MCF2L2: variants seen among roughly 807,000 people sequenced by gnomAD.
The protein encoded by MCF2L2 is probable guanine nucleotide exchange factor MCF2L2.
In MCF2L2, 102 loss-of-function variants were observed where a neutral mutation model predicts 150.2. The ratio of observed to expected loss-of-function variants is 0.68; its 90% CI spans 0.58 to 0.80. The LOEUF (loss-of-function observed/expected upper bound fraction) is 0.80. MCF2L2 is among the 30% of genes least tolerant of loss of function. MCF2L2 has a pLI of 0.00. For missense variants in MCF2L2, 1,256 were observed against 1,372.8 expected (o/e 0.91, Z 1.34); for synonymous variants, 465 against 491.3 (o/e 0.95, Z 0.71).
chr3:183,198,946 A>G (rs1439853606), intron 25 of MCF2L2, among the ~76,000 whole-genome samples: 1 of 152,228 alleles, frequency 6.6e-6, no homozygotes, highest in Non-Finnish European at 1.5e-5. Flanking sequence ...CATAATATTA[A>G]TAGTTGTAAA....
At chr3:183,212,271 C>T (rs1253367402) in intron 22 of MCF2L2, among the ~76,000 whole-genome samples, 3 of 152,170 alleles carry the variant, frequency 2.0e-5, no homozygotes, top group Non-Finnish European at 2.9e-5. Flanking sequence ...TTTTAAGTCA[C>T]GTACTTTGTG....
chr3:183,360,296 G>T (rs542179236), intron 3 of MCF2L2, among the ~76,000 whole-genome samples: 4 of 152,230 alleles, frequency 2.6e-5, no homozygotes, highest in African/African-American at 9.6e-5. Context: ...GGTAGAAGGG[G>T]GTGGCTCATC....
At position 183,301,014 on chromosome 3, in the gene MCF2L2, C is replaced by CAA. The variant is rs11388183; in HGVS notation, c.1114-820_1114-819dup. 8.9e-3 allele frequency among the ~76,000 whole-genome samples: 576 copies of CAA among 64,804 alleles called. 10 individuals carry two copies. The highest frequency in any genetic ancestry group is 0.014 in the African/African-American group (310 of 22,438). The allele number at this position is 64,804 out of a possible 152,430, so 42.5% of individuals were successfully genotyped here. A position where few individuals can be genotyped will look rare whatever the true frequency, so the allele number is the denominator to read the frequency against. ...TGGGTGACAGAGCAAGACTCCATCT[C>CAA]AAAAAAAAAAAAAAAAAAAAAAAGA... On this transcript the variant is annotated intron_variant, in intron 10 of 29. Transcript: ENST00000328913.
chr3:183,208,094 C>T (rs13085287), intron 22 of MCF2L2, among the ~76,000 whole-genome samples: 42,930 of 152,104 alleles, frequency 0.28, 7,108 homozygotes, highest in South Asian at 0.4. Context: ...GCTAGAGATA[C>T]GGGGACTGTG....
chr3:183,190,160 AT>A (rs1415836200), intron 27 of MCF2L2, among the ~76,000 whole-genome samples: 1 of 152,086 alleles, frequency 6.6e-6, no homozygotes, highest in Non-Finnish European at 1.5e-5. Context: ...GATAGATAAT[AT>A]TTTCCTCAAA....
At chr3:183,395,917 CAAAAAAAAAAAA>C (rs11338932) in intron 1 of MCF2L2, among the ~76,000 whole-genome samples, 1 of 58,100 alleles carries the variant, frequency 1.7e-5, no homozygotes, top group Non-Finnish European at 3.1e-5. Context: ...GACATCGTCT[CAAAAAAAAAAAA>C]AAAAAAAAAG....
At chr3:183,284,033 CAT>C (rs1174387562) in intron 14 of MCF2L2, among the ~76,000 whole-genome samples, 1 of 152,166 alleles carries the variant, frequency 6.6e-6, no homozygotes, top group African/African-American at 2.4e-5. Flanking sequence ...CAATCATTTT[CAT>C]ATGACTCACA....
At chr3:183,332,934 A>AAC (rs1444492207) in intron 5 of MCF2L2, among the ~76,000 whole-genome samples, 1 of 152,254 alleles carries the variant, frequency 6.6e-6, no homozygotes, top group Non-Finnish European at 1.5e-5. Flanking sequence ...TACAGGATGG[A>AAC]ACCAAAACAA....
At chr3:183,192,684 AT>A in intron 27 of MCF2L2, 1 of 264,482 alleles carries the variant, frequency 3.8e-6, no homozygotes, top group South Asian at 1.0e-4. Flanking sequence ...TATTTCTGTA[AT>A]TTTTCCATTT....
At chr3:183,206,745 C>T (rs916162916) in intron 23 of MCF2L2, among the ~76,000 whole-genome samples, 4 of 152,068 alleles carry the variant, frequency 2.6e-5, no homozygotes, top group Admixed American at 1.3e-4. Context: ...CTGGTGCGTG[C>T]CTGTAATCCC....
chr3:183,237,912 G>C (rs1333914916), intron 15 of MCF2L2, among the ~76,000 whole-genome samples: 1 of 107,096 alleles, frequency 9.3e-6, no homozygotes, highest in Non-Finnish European at 1.9e-5. Context: ...CTTTGTTCTC[G>C]TTGGTTTCAA....
At position 183,413,760 on chromosome 3, in the gene MCF2L2, G is replaced by A. The variant is rs575628959; in HGVS notation, c.76+14142C>T. ...AATAAATCAGCTTGCCTGAACTTGG[G>A]TCTGTTGGCCTCATTCCTTTCTCGG... On this transcript the variant is annotated intron_variant, in intron 1 of 29. Transcript: ENST00000328913. Among the ~76,000 whole-genome samples the A allele has an allele frequency of 5.3e-5, 8 of 152,244 alleles. No homozygotes were observed. In the East Asian group the frequency reaches 1.5e-3, roughly 29 times the overall value.
chr3:183,361,023 GA>G (rs1560040189), intron 3 of MCF2L2, among the ~76,000 whole-genome samples: 11 of 103,134 alleles, frequency 1.1e-4, no homozygotes, highest in African/African-American at 3.8e-4. Flanking sequence ...GAAAAGAAAA[GA>G]GAAAAGAAAA....
intron 15 of MCF2L2, chr3:183,269,752 C>T (rs541062876): frequency 2.4e-5 from 36 of 1,528,982 alleles, no homozygotes; most frequent in South Asian, 1.2e-4. Flanking sequence ...CGAAGAAGCC[C>T]GTGCCTGTTT....
intron 1 of MCF2L2, among the ~76,000 whole-genome samples, chr3:183,409,079 T>C (rs1405811294): frequency 6.6e-6 from 1 of 152,232 alleles, no homozygotes; most frequent in Non-Finnish European, 1.5e-5. Flanking sequence ...TATTTAAGAA[T>C]TATGTATGTA....
intron 3 of MCF2L2, among the ~76,000 whole-genome samples, chr3:183,360,345 G>A (rs2108564155): frequency 6.6e-6 from 1 of 152,134 alleles, no homozygotes. Context: ...AGGCAGGAGG[G>A]TCACTTGAGC....
chr3:183,335,734 G>A (rs897617409), intron 5 of MCF2L2, among the ~76,000 whole-genome samples: 4 of 152,044 alleles, frequency 2.6e-5, no homozygotes, highest in Non-Finnish European at 4.4e-5. Flanking sequence ...CAGGCATGGT[G>A]GTGTGTGCCT....
intron 22 of MCF2L2, among the ~76,000 whole-genome samples, chr3:183,213,260 A>C (rs1167109504): frequency 1.3e-5 from 2 of 150,736 alleles, no homozygotes; most frequent in African/African-American, 5.0e-5. Flanking sequence ...AAAAAAAAAA[A>C]ACTTTTGTTT....
At chr3:183,330,496 G>C (rs75197682) in intron 5 of MCF2L2, among the ~76,000 whole-genome samples, 3,413 of 152,218 alleles carry the variant, frequency 0.022, 52 homozygotes, top group Non-Finnish European at 0.036. Context: ...CAGGGATTAG[G>C]GATGGGGAGA....
Sources: allele counts gnomAD v4.1 joint callset (sites outside exome capture counted in the v4.1 genomes callset), GRCh38; gene constraint gnomAD v4.1.1; transcripts MANE v1.5; gene names NCBI Gene and HGNC (gene_info 2026-07-23, HGNC 2026-07-21).